The following KCNH8 variants were observed in gnomAD, a reference collection of about 807,000 sequenced individuals.
KCNH8 encodes voltage-gated delayed rectifier potassium channel KCNH8.
In KCNH8, 70 loss-of-function variants were observed where a neutral mutation model predicts 103.6. The ratio of observed to expected loss-of-function variants is 0.68; its 90% CI spans 0.56 to 0.82. The LOEUF (loss-of-function observed/expected upper bound fraction) is 0.82, where lower values mean the gene tolerates loss of function less well. KCNH8 is among the 40% of genes least tolerant of loss of function. The pLI, the probability that KCNH8 is intolerant of heterozygous loss-of-function variation, is 0.00. For synonymous variants in KCNH8, 498 were observed against 489.4 expected (o/e 1.02, Z -0.23); for missense variants, 1,217 against 1,329.9 (o/e 0.92, Z 1.32).
intron 6 of KCNH8, among the ~76,000 whole-genome samples, chr3:19,394,805 G>C (rs570867366): frequency 7.2e-5 from 11 of 151,852 alleles, no homozygotes; most frequent in Non-Finnish European, 1.0e-4. Context: ...TGTTTCAGTT[G>C]TGTATCAGAA....
intron 11 of KCNH8, among the ~76,000 whole-genome samples, chr3:19,492,389 A>G (rs995989638): frequency 2.6e-5 from 4 of 152,206 alleles, no homozygotes; most frequent in Non-Finnish European, 4.4e-5. Context: ...ATTCTTATGC[A>G]TATGGCTATC....
intron 5 of KCNH8, among the ~76,000 whole-genome samples, chr3:19,366,655 T>A (rs947107036): frequency 6.6e-6 from 1 of 152,036 alleles, no homozygotes. Flanking sequence ...TTTTCAAGTA[T>A]GTTTTCTTAA....
chr3:19,168,086 C>T (rs1403549815), intron 1 of KCNH8, among the ~76,000 whole-genome samples: 2 of 151,628 alleles, frequency 1.3e-5, no homozygotes, highest in African/African-American at 4.9e-5. Flanking sequence ...TCTTGGCTCA[C>T]TGCAACCTCT....
At chr3:19,493,760 A>T (rs949047444) in intron 11 of KCNH8, among the ~76,000 whole-genome samples, 4 of 151,018 alleles carry the variant, frequency 2.6e-5, no homozygotes, top group East Asian at 1.9e-4. Context: ...TATTATTATT[A>T]TTTTTCCTGC....
At chr3:19,165,973 T>C (rs2063279216) in intron 1 of KCNH8, among the ~76,000 whole-genome samples, 1 of 152,228 alleles carries the variant, frequency 6.6e-6, no homozygotes, top group Non-Finnish European at 1.5e-5. Flanking sequence ...CAAATGATTT[T>C]CAAGACTTTG....
chr3:19,399,187 A>C (rs1237875665), intron 7 of KCNH8, among the ~76,000 whole-genome samples: 1 of 151,976 alleles, frequency 6.6e-6, no homozygotes, highest in Non-Finnish European at 1.5e-5. Context: ...GAGACATGTC[A>C]CAACTGAATC....
intron 1 of KCNH8, among the ~76,000 whole-genome samples, chr3:19,169,209 CCCAAATCT>C (rs1198946407): frequency 6.6e-6 from 1 of 152,022 alleles, no homozygotes; most frequent in Non-Finnish European, 1.5e-5. Context: ...GAAACTCCAC[CCCAAATCT>C]CCAAATCTCC....
At chr3:19,188,607 A>T (rs917278465) in intron 1 of KCNH8, among the ~76,000 whole-genome samples, 1 of 152,156 alleles carries the variant, frequency 6.6e-6, no homozygotes, top group South Asian at 2.1e-4. Flanking sequence ...TCTATAAAGC[A>T]TCACATTTGC....
intron 10 of KCNH8, among the ~76,000 whole-genome samples, chr3:19,453,739 G>A (rs558508471): frequency 1.3e-5 from 2 of 152,106 alleles, no homozygotes; most frequent in Admixed American, 6.6e-5. Context: ...CAACGGAAAG[G>A]TGCCATTTGT....
chr3:19,413,228 G>T (rs915212911), intron 7 of KCNH8, among the ~76,000 whole-genome samples: 1 of 150,726 alleles, frequency 6.6e-6, no homozygotes, highest in Admixed American at 6.6e-5. Context: ...CATGCCCCTT[G>T]TAGCAACATG....
intron 1 of KCNH8, among the ~76,000 whole-genome samples, chr3:19,185,088 C>T (rs576570482): frequency 2.0e-5 from 3 of 150,550 alleles, no homozygotes; most frequent in African/African-American, 7.5e-5. Flanking sequence ...CTGCTATGAA[C>T]ATTTTTTGTA....
intron 1 of KCNH8, among the ~76,000 whole-genome samples, chr3:19,150,468 G>A (rs1342260104): frequency 6.6e-6 from 1 of 152,118 alleles, no homozygotes; most frequent in Non-Finnish European, 1.5e-5. Flanking sequence ...GCCATTTAAA[G>A]TTGAATGAAG....
chr3:19,333,375 C>G (rs1406695318), intron 3 of KCNH8, among the ~76,000 whole-genome samples: 1 of 152,060 alleles, frequency 6.6e-6, no homozygotes, highest in Non-Finnish European at 1.5e-5. Flanking sequence ...TGTTTTGAAC[C>G]TAAATCAACA....
intron 1 of KCNH8, among the ~76,000 whole-genome samples, chr3:19,215,410 T>G (rs2063809154): frequency 6.6e-6 from 1 of 152,206 alleles, no homozygotes; most frequent in East Asian, 1.9e-4. Context: ...GGACCTAGAT[T>G]TATGAGAGAT....
At chr3:19,281,376 A>G in intron 3 of KCNH8, 47 bp downstream of exon 3, 1 of 1,529,338 alleles carries the variant, frequency 6.5e-7, no homozygotes, top group Non-Finnish European at 8.8e-7. Context: ...TAACATTTTG[A>G]AATTGTTTAC....
chr3:19,323,744 G>C (rs1044099118), intron 3 of KCNH8, among the ~76,000 whole-genome samples: 2 of 152,092 alleles, frequency 1.3e-5, no homozygotes, highest in African/African-American at 4.8e-5. Context: ...GGCTTCCTGA[G>C]ATCCGAACTG....
At chr3:19,323,038 T>A (rs1011497268) in intron 3 of KCNH8, among the ~76,000 whole-genome samples, 1 of 152,194 alleles carries the variant, frequency 6.6e-6, no homozygotes, top group Non-Finnish European at 1.5e-5. Context: ...TTTCCAGAAA[T>A]TGTGATTGTT....
intron 2 of KCNH8, among the ~76,000 whole-genome samples, chr3:19,273,755 T>C (rs2064623338): frequency 6.6e-6 from 1 of 152,182 alleles, no homozygotes; most frequent in African/African-American, 2.4e-5. Flanking sequence ...ATTCTCTTTG[T>C]CTCAACCTGG....
chr3:19,527,506 T>C (rs1484770430), intron 15 of KCNH8, among the ~76,000 whole-genome samples: 2 of 151,964 alleles, frequency 1.3e-5, no homozygotes, highest in Non-Finnish European at 2.9e-5. Context: ...AAGGCCCTTA[T>C]GGAAATATGA....
Sources: allele counts gnomAD v4.1 joint callset (sites outside exome capture counted in the v4.1 genomes callset), GRCh38; gene constraint gnomAD v4.1.1; transcripts MANE v1.5; gene names NCBI Gene and HGNC (gene_info 2026-07-23, HGNC 2026-07-21).